Variants in BCAS3 observed in about 807,000 individuals in gnomAD.
BCAS3 encodes the protein BCAS3 microtubule associated cell migration factor.
BCAS3 carries 53 observed loss-of-function variants against 116.1 expected under a neutral mutation model. The ratio of observed to expected loss-of-function variants is 0.46; its 90% CI spans 0.37 to 0.57. The LOEUF is 0.57. BCAS3 is among the 20% of genes least tolerant of loss of function. The pLI is 0.00. For synonymous variants in BCAS3, 391 were observed against 408.2 expected, an observed-to-expected ratio of 0.96 and a Z score of 0.51; for missense variants, 917 against 1,165.4, an observed-to-expected ratio of 0.79 and a Z score of 3.10.
intron 22 of BCAS3, among the ~76,000 whole-genome samples, chr17:61,150,028 T>C (rs891437276): frequency 6.6e-5 from 10 of 152,162 alleles, no homozygotes; most frequent in Non-Finnish European, 1.0e-4. Context: ...AGATGTTTTT[T>C]CCTAACAGGA....
chr17:61,295,375 C>T (rs564331722), intron 22 of BCAS3, among the ~76,000 whole-genome samples: 8 of 152,310 alleles, frequency 5.3e-5, no homozygotes, highest in African/African-American at 1.9e-4. Context: ...CAGCCTGGCT[C>T]CTGGGGAGGA....
At chr17:60,902,075 T>C (rs2057933794) in intron 10 of BCAS3, among the ~76,000 whole-genome samples, 1 of 152,246 alleles carries the variant, frequency 6.6e-6, no homozygotes, top group Admixed American at 6.5e-5. Flanking sequence ...TGGTAAAAGT[T>C]TAAGCTCTCT....
intron 10 of BCAS3, among the ~76,000 whole-genome samples, chr17:60,897,488 A>G (rs934894982): frequency 3.3e-5 from 5 of 152,188 alleles, no homozygotes; most frequent in Non-Finnish European, 5.9e-5. Flanking sequence ...CTATTATTCC[A>G]TTAAATGTGC....
At chr17:60,895,516 A>G (rs941986143) in intron 10 of BCAS3, among the ~76,000 whole-genome samples, 3 of 151,272 alleles carry the variant, frequency 2.0e-5, no homozygotes, top group Admixed American at 6.6e-5. Context: ...TTATTCATTG[A>G]TCTTTTGTAT....
Position 61,095,844 on chromosome 17 carries a change from T to TACACACACACACAC in BCAS3, c.2425+11296_2425+11309dup, listed in dbSNP as rs10671633. On this transcript the variant is annotated intron_variant, in intron 22 of 23. Coordinates refer to ENST00000407086, the MANE Select transcript of BCAS3 (RefSeq NM_017679.5). The surrounding 1 kb of genome is among the most constrained non-coding windows in gnomAD (Gnocchi z 4.7). ...AAAACCACTGGTATGCATATTCTCGTACACACACACACACACACACACACA... is the reference window on the plus strand; with the variant it reads ...AAAACCACTGGTATGCATATTCTCGTACACACACACACACACACACACACACACACACACACACA... Among the ~76,000 whole-genome samples, 61 of 146,346 alleles carry TACACACACACACAC rather than the reference T, an allele frequency of 4.2e-4. No individual in the cohort carries two copies. The highest frequency in any genetic ancestry group is 1.4e-3 in the African/African-American group (58 of 40,066).
In BCAS3 at chr17:61,034,600, G is replaced by T; in HGVS notation, c.1638-66G>T. ...AGGGGTGGAATTTAAAGGAAAAACT[G>T]TCATTACCTAAAGGAGTATCATTTC... On this transcript the variant is annotated intron_variant, in intron 16 of 23. Transcript: ENST00000407086. This position sits in a 1 kb window ranked among gnomAD's most constrained non-coding sequence, Gnocchi z 5.0. 1 of 1,430,372 alleles carries T rather than the reference G, an allele frequency of 7.0e-7. No individual in the cohort carries two copies. Among genetic ancestry groups the T allele is most frequent in the Non-Finnish European group, 9.5e-7 (1 of 1,051,228 alleles). The allele number at this position is 1,430,372 out of a possible 1,614,324, so 88.6% of individuals were successfully genotyped here. A position where few individuals can be genotyped will look rare whatever the true frequency, so the allele number is the denominator to read the frequency against.
In BCAS3 at chr17:61,285,973, T is replaced by G. The variant is rs2051732391; in HGVS notation, c.2426-82354T>G. ...TACATGAATATTGCAGTTTGTCTTG[T>G]GAAACCTCAGACCTAAAACCAGCCC... is the stretch of plus-strand genomic sequence containing the variant. On this transcript the variant is annotated intron_variant, in intron 22 of 23. Transcript: ENST00000407086. The surrounding 1 kb of genome is among the most constrained non-coding windows in gnomAD (Gnocchi z 5.4). Among the ~76,000 whole-genome samples, 3 of 152,346 alleles carry G rather than the reference T, an allele frequency of 2.0e-5. No homozygotes were observed. The highest frequency in any genetic ancestry group is 7.2e-5 in the African/African-American group (3 of 41,566).
intron 10 of BCAS3, among the ~76,000 whole-genome samples, chr17:60,901,313 A>G (rs1002259028): frequency 2.6e-5 from 4 of 152,192 alleles, no homozygotes; most frequent in African/African-American, 9.7e-5. Context: ...GGAATAAGTA[A>G]TAGCCTTTCT....
chr17:61,172,299 G>A (rs969329494), intron 22 of BCAS3, among the ~76,000 whole-genome samples: 2 of 152,170 alleles, frequency 1.3e-5, no homozygotes, highest in African/African-American at 4.8e-5. Context: ...ACCAACGGCA[G>A]AACCACCTTC....
intron 4 of BCAS3, among the ~76,000 whole-genome samples, chr17:60,707,902 C>T (rs2143994651): frequency 6.6e-6 from 1 of 152,166 alleles, no homozygotes; most frequent in Admixed American, 6.5e-5. Flanking sequence ...ATTTGCTAGT[C>T]TTTGTAAAGT....
chr17:60,925,805 T>C (rs1339802433), intron 13 of BCAS3, among the ~76,000 whole-genome samples: 1 of 152,130 alleles, frequency 6.6e-6, no homozygotes, highest in Non-Finnish European at 1.5e-5. Flanking sequence ...GGTTGAGTAC[T>C]TTATGTCTGA....
intron 22 of BCAS3, among the ~76,000 whole-genome samples, chr17:61,107,082 C>CTTTTTTTTTTT (rs755754824): frequency 9.4e-6 from 1 of 106,388 alleles, no homozygotes; most frequent in Non-Finnish European, 1.7e-5. Context: ...ACTAGGCTTA[C>CTTTTTTTTTTT]TTTTTTTTTT....
At chr17:60,833,010 C>A (rs77170306) in intron 7 of BCAS3, among the ~76,000 whole-genome samples, 2,214 of 152,276 alleles carry the variant, frequency 0.015, 57 homozygotes, top group East Asian at 0.092. Flanking sequence ...AATACAAGTA[C>A]CATGACAAGT....
chr17:60,992,189 TACAC>T (rs576760115), intron 15 of BCAS3, among the ~76,000 whole-genome samples: 4,799 of 130,636 alleles, frequency 0.037, 93 homozygotes, highest in South Asian at 0.069. Flanking sequence ...TCCGATGACT[TACAC>T]ACACACACAC....
intron 22 of BCAS3, among the ~76,000 whole-genome samples, chr17:61,148,075 A>G (rs2077341373): frequency 6.6e-6 from 1 of 152,202 alleles, no homozygotes; most frequent in Non-Finnish European, 1.5e-5. Context: ...TCCACAAGGA[A>G]CATTGTTGAC....
intron 6 of BCAS3, among the ~76,000 whole-genome samples, chr17:60,772,408 AT>A (rs953751951): frequency 6.6e-6 from 1 of 151,706 alleles, no homozygotes; most frequent in Non-Finnish European, 1.5e-5. Flanking sequence ...GGGTTGTTTG[AT>A]TTTTTCTTGA....
At chr17:60,879,119 C>A (rs76792990) in intron 9 of BCAS3, among the ~76,000 whole-genome samples, 1 of 152,074 alleles carries the variant, frequency 6.6e-6, no homozygotes, top group Non-Finnish European at 1.5e-5. Flanking sequence ...TGGGACAGGG[C>A]ATACTGAGAT....
rs1256431930 is a variant in BCAS3 at position 61,065,447 on chromosome 17, A to G, written c.2030-9473A>G. On this transcript the variant is annotated intron_variant, in intron 19 of 23. Transcript: ENST00000407086. The surrounding 1 kb of genome is among the most constrained non-coding windows in gnomAD (Gnocchi z 4.8). ...ATGCTGTTTTTAATAAGCACCAAAA[A>G]TATATTGAGGTTTGTCCTTGGGAGA... Among the ~76,000 whole-genome samples, 1 of 152,160 alleles carries G rather than the reference A, an allele frequency of 6.6e-6. No homozygotes were observed. The highest frequency in any genetic ancestry group is 1.5e-5 in the Non-Finnish European group (1 of 68,012).
At chr17:60,949,638 A>T (rs528820321) in intron 14 of BCAS3, among the ~76,000 whole-genome samples, 154 of 152,280 alleles carry the variant, frequency 1.0e-3, no homozygotes, top group African/African-American at 3.6e-3. Flanking sequence ...TGATATTTTG[A>T]TACAGGCATA....
Sources: gnomAD v4.1 joint callset for allele counts (sites outside exome capture counted in the v4.1 genomes callset) on GRCh38, gnomAD v4.1.1 for gene constraint, Gnocchi (gnomAD v3.1) non-coding constraint, MANE v1.5 for transcripts, NCBI Gene and HGNC (gene_info 2026-07-23, HGNC 2026-07-21) for gene names.